LYZL1: variants seen among roughly 807,000 people sequenced by gnomAD.
The protein encoded by LYZL1 is lysozyme like 1.
A neutral mutation model predicts 17.9 loss-of-function variants in LYZL1; 16 were observed. The observed-to-expected ratio is 0.90, with a 90% CI of 0.61 to 1.36. LYZL1 has a LOEUF of 1.36. Among genes scored for constraint, LYZL1 ranks in the 40% most tolerant of loss-of-function variants. LYZL1 has a pLI of 0.00. For synonymous variants in LYZL1, 58 were observed against 71.8 expected (o/e 0.81, Z 0.97); for missense variants, 149 against 188.4 (o/e 0.79, Z 1.22).
At chr10:29,310,062 T>C (rs1835648535) in intron 3 of LYZL1, 48 bp from the exon 4 acceptor site, 1 of 1,390,908 alleles carries the variant, frequency 7.2e-7, no homozygotes, top group African/African-American at 1.4e-5. Context: ...GAGGTCCCTC[T>C]CCAACAACAA....
intron 1 of LYZL1, among the ~76,000 whole-genome samples, chr10:29,291,131 T>G (rs1835358779): frequency 6.6e-6 from 1 of 152,120 alleles, no homozygotes; most frequent in Non-Finnish European, 1.5e-5. Flanking sequence ...CCCCAGAAAC[T>G]TAACGACTCC....
At chr10:29,297,163 A>C (rs529432573) in intron 3 of LYZL1, among the ~76,000 whole-genome samples, 1 of 152,252 alleles carries the variant, frequency 6.6e-6, no homozygotes, top group Non-Finnish European at 1.5e-5. Flanking sequence ...AATATGATAC[A>C]GAAATGGAAA....
downstream of LYZL1, among the ~76,000 whole-genome samples, chr10:29,314,794 C>A (rs1835709940): frequency 6.6e-6 from 1 of 152,178 alleles, no homozygotes; most frequent in South Asian, 2.1e-4. Context: ...ATGAAAACTT[C>A]ACTCCATATA....
chr10:29,316,243 C>T (rs976495050), intron 3 of LYZL1, among the ~76,000 whole-genome samples: 1 of 152,210 alleles, frequency 6.6e-6, no homozygotes, highest in African/African-American at 2.4e-5. Context: ...CCTCATTTTT[C>T]TCCCTTCTCT....
intron 3 of LYZL1, among the ~76,000 whole-genome samples, chr10:29,299,399 GA>G (rs34658730): frequency 0.051 from 7,596 of 149,384 alleles, 192 homozygotes; most frequent in Middle Eastern, 0.12. Context: ...ATATGCATTT[GA>G]AAAAAAAAAT....
At chr10:29,316,908 A>G (rs967896969) in intron 3 of LYZL1, among the ~76,000 whole-genome samples, 2 of 151,924 alleles carry the variant, frequency 1.3e-5, no homozygotes, top group Non-Finnish European at 2.9e-5. Flanking sequence ...TGTAAATACA[A>G]GGTCTTGCTA....
intron 3 of LYZL1, among the ~76,000 whole-genome samples, chr10:29,297,962 C>T (rs947814368): frequency 1.3e-5 from 2 of 152,136 alleles, no homozygotes; most frequent in Admixed American, 6.5e-5. Context: ...AAAACCATTT[C>T]CACTATAAAA....
At chr10:29,299,222 C>G (rs896404994) in intron 3 of LYZL1, among the ~76,000 whole-genome samples, 1 of 152,148 alleles carries the variant, frequency 6.6e-6, no homozygotes, top group African/African-American at 2.4e-5. Context: ...TGAAGCTTAG[C>G]TCACTTGCCT....
At chr10:29,310,809 G>A (rs1835660957) in intron 4 of LYZL1, among the ~76,000 whole-genome samples, 181 bp from the exon 5 acceptor site, 1 of 152,216 alleles carries the variant, frequency 6.6e-6, no homozygotes, top group Admixed American at 6.5e-5. Flanking sequence ...ATGGCTAGGA[G>A]AAAACCAGGA....
At chr10:29,311,736 G>A (rs1175283686), downstream of LYZL1, among the ~76,000 whole-genome samples, 1 of 152,094 alleles carries the variant, frequency 6.6e-6, no homozygotes, top group Non-Finnish European at 1.5e-5. Context: ...CCAGCACTTT[G>A]GGAGGCCAAA....
intron 4 of LYZL1, among the ~76,000 whole-genome samples, chr10:29,310,658 G>C (rs1369928797): frequency 6.6e-6 from 1 of 152,180 alleles, no homozygotes; most frequent in Non-Finnish European, 1.5e-5. Flanking sequence ...ATTGAGCCTG[G>C]GGCCTTGCAT....
intron 3 of LYZL1, among the ~76,000 whole-genome samples, chr10:29,303,435 A>G (rs1274120918): frequency 2.0e-5 from 3 of 152,102 alleles, no homozygotes; most frequent in East Asian, 3.9e-4. Context: ...TTTTTCATCT[A>G]TTTTGTCTAG....
intron 1 of LYZL1, among the ~76,000 whole-genome samples, chr10:29,289,628 AG>A (rs771836693): frequency 7.2e-5 from 11 of 152,040 alleles, no homozygotes; most frequent in Admixed American, 1.3e-4. Flanking sequence ...TTTGCTGCCC[AG>A]GCTAGTCTCA....
At chr10:29,290,359 C>T (rs1835345218) in intron 1 of LYZL1, among the ~76,000 whole-genome samples, 1 of 152,178 alleles carries the variant, frequency 6.6e-6, no homozygotes, top group Non-Finnish European at 1.5e-5. Context: ...TGATCCTACT[C>T]CCATTTCAGA....
chr10:29,293,076 CTTTCTTTTCTTTTCCCTT>C (rs1392631685), intron 3 of LYZL1, among the ~76,000 whole-genome samples: 1 of 141,730 alleles, frequency 7.1e-6, no homozygotes, highest in Non-Finnish European at 1.6e-5. Flanking sequence ...CTTTAGGTTT[CTTTCTTTTCTTTTCCCTT>C]TTTCTTTTCT....
At chr10:29,301,038 C>T (rs1480379388) in intron 3 of LYZL1, among the ~76,000 whole-genome samples, 6 of 151,826 alleles carry the variant, frequency 4.0e-5, no homozygotes, top group Non-Finnish European at 1.5e-5. Context: ...TGCTGTGTCC[C>T]CACCGAAATC....
intron 3 of LYZL1, among the ~76,000 whole-genome samples, chr10:29,296,550 C>T (rs973499559): frequency 9.2e-5 from 14 of 152,240 alleles, no homozygotes; most frequent in Middle Eastern, 3.4e-3. Flanking sequence ...TTCCTCTAGA[C>T]GAGTAAAGTA....
rs777330305 is a variant in LYZL1 at position 29,310,149 on chromosome 10, C to A, written c.338C>A (p.Ala113Asp). The A allele has an allele frequency of 9.9e-6, 16 of 1,612,244 alleles. No individual in the cohort carries two copies. The highest frequency in any genetic ancestry group is 1.1e-5 in the South Asian group (1 of 90,954). ...GACCTCACAGATGCAATTATCTGTG[C>A]CAGGAAAATTGTTAAAGAGACACAA... is the stretch of plus-strand genomic sequence containing the variant. ...TDDLTDAIIC[A>D]RKIVKETQGM... The change falls in exon 4 of 5, where the codon GCC becomes GAC. Residue 113 changes from alanine (A) to aspartate (D), a missense_variant. Transcript: ENST00000649382.
chr10:29,291,709 G>A (rs1279581118), intron 1 of LYZL1, 134 bp from the exon 2 acceptor site: 46 of 1,037,644 alleles, frequency 4.4e-5, no homozygotes, highest in South Asian at 2.2e-4. Flanking sequence ...TAGAGTGGCC[G>A]GTTTTCCCTG....
Sources: allele counts gnomAD v4.1 joint callset (sites outside exome capture counted in the v4.1 genomes callset), GRCh38; gene constraint gnomAD v4.1.1; transcripts MANE v1.5; gene names NCBI Gene and HGNC (gene_info 2026-07-23, HGNC 2026-07-21).